Variants in SUCO observed in about 807,000 individuals in gnomAD.
SUCO encodes the protein SUN domain containing ossification factor.
SUCO carries 57 observed loss-of-function variants against 148.1 expected under a neutral mutation model. That is an observed-to-expected ratio of 0.38 (90% CI 0.31 to 0.48). The LOEUF is 0.48. Among genes scored for constraint, SUCO ranks in the 20% least tolerant of loss-of-function variants. The probability of loss-of-function intolerance (pLI) is 0.96; values close to 1 mark genes in which losing one functional copy is unlikely to be tolerated. For synonymous variants in SUCO, 470 were observed against 502.7 expected (o/e 0.93, Z 0.87); for missense variants, 1,331 against 1,468.2 (o/e 0.91, Z 1.53).
intron 1 of SUCO, among the ~76,000 whole-genome samples, chr1:172,539,796 T>TA (rs1652309245): frequency 6.6e-6 from 1 of 152,188 alleles, no homozygotes; most frequent in South Asian, 2.1e-4. Flanking sequence ...GTTTCAGAGT[T>TA]AAAAATGGGA....
intron 1 of SUCO, among the ~76,000 whole-genome samples, chr1:172,543,591 A>G (rs1652648290): frequency 6.6e-6 from 1 of 152,184 alleles, no homozygotes; most frequent in Non-Finnish European, 1.5e-5. Context: ...CAGTTTAGTG[A>G]AACAATTTTC....
At chr1:172,578,257 T>G in intron 13 of SUCO, 41 bp from the exon 14 acceptor site, 1 of 1,360,724 alleles carries the variant, frequency 7.3e-7, no homozygotes, top group Non-Finnish European at 1.1e-6. Context: ...TCTTAACGAG[T>G]GTTTTGTTTT....
intron 15 of SUCO, among the ~76,000 whole-genome samples, chr1:172,580,192 C>CTGCCTTCCT (rs375294521): frequency 6.6e-6 from 1 of 151,988 alleles, no homozygotes; most frequent in Non-Finnish European, 1.5e-5. Context: ...CTTTCTCTTC[C>CTGCCTTCCT]TGCCTTCCTT....
At chr1:172,597,198 T>C (rs1477229922) in intron 19 of SUCO, among the ~76,000 whole-genome samples, 1 of 152,236 alleles carries the variant, frequency 6.6e-6, no homozygotes. Context: ...CAGCTTCCCT[T>C]GGCTAGGAAA....
Position 172,602,198 on chromosome 1 carries a change from T to C in SUCO, c.3153T>C (p.Asn1051=). 1 of 1,612,022 alleles carries C rather than the reference T, an allele frequency of 6.2e-7. No individual in the cohort carries two copies. Among genetic ancestry groups the C allele is most frequent in the Non-Finnish European group, 8.5e-7 (1 of 1,178,962 alleles). The stretch of plus-strand genomic sequence containing the variant: ...ATATTTCAAAACTTCCTAAAAGTAA[T>C]CAGTATCCAAGCCCTAAAAGGTAAT... The part of the protein sequence containing the change: ...GDYISKLPKS[N]QYPSPKRCFS... Residue 1051 remains asparagine, a synonymous_variant, in exon 21 of 24, where the codon AAT becomes AAC. Coordinates refer to ENST00000263688, the MANE Select transcript of SUCO (RefSeq NM_014283.5).
intron 1 of SUCO, among the ~76,000 whole-genome samples, chr1:172,545,522 CAA>C (rs1652788519): frequency 6.6e-6 from 1 of 151,908 alleles, no homozygotes; most frequent in Non-Finnish European, 1.5e-5. Flanking sequence ...TTTGACAAGT[CAA>C]AGAGGAGATG....
intron 21 of SUCO, 39 bp from the exon 22 acceptor site, chr1:172,602,657 A>G (rs747494773): frequency 6.2e-7 from 1 of 1,604,378 alleles, no homozygotes; most frequent in Non-Finnish European, 8.5e-7. Flanking sequence ...TATGTGCTTT[A>G]CTCGTTGTAA....
At chr1:172,541,057 A>G (rs1264319272) in intron 1 of SUCO, among the ~76,000 whole-genome samples, 2 of 152,220 alleles carry the variant, frequency 1.3e-5, no homozygotes, top group Non-Finnish European at 2.9e-5. Flanking sequence ...GGCTTTCCAC[A>G]TCCACAGATT....
At chr1:172,597,270 A>G (rs1571283182) in intron 19 of SUCO, among the ~76,000 whole-genome samples, 1 of 151,812 alleles carries the variant, frequency 6.6e-6, no homozygotes, top group Non-Finnish European at 1.5e-5. Context: ...TTTGGCTCAC[A>G]CTCCATGGGC....
intron 19 of SUCO, among the ~76,000 whole-genome samples, chr1:172,595,775 G>T (rs1393268247): frequency 6.6e-6 from 1 of 152,150 alleles, no homozygotes; most frequent in Non-Finnish European, 1.5e-5. Context: ...TCTTCTCGAG[G>T]AGTATCTTTG....
chr1:172,555,772 T>C (rs1478859058), intron 3 of SUCO, 97 bp from the exon 4 acceptor site: 4 of 983,640 alleles, frequency 4.1e-6, no homozygotes, highest in Admixed American at 3.0e-5. Context: ...GTTTATATTG[T>C]CATTTTTCAG....
intron 11 of SUCO, chr1:172,577,133 A>C (rs1395600450): frequency 1.5e-5 from 5 of 341,278 alleles, no homozygotes; most frequent in Non-Finnish European, 2.1e-5. Context: ...ATATGTGCAT[A>C]TATATCAATA....
chr1:172,556,640 T>TGTAA (rs1653780290), intron 4 of SUCO: 3 of 984,982 alleles, frequency 3.0e-6, no homozygotes, highest in Non-Finnish European at 3.6e-6. Context: ...AACTCAAGAA[T>TGTAA]GTAAGGGCCT....
At chr1:172,569,357 A>G (rs1571226116) in intron 7 of SUCO, 1 of 965,966 alleles carries the variant, frequency 1.0e-6, no homozygotes, top group East Asian at 1.1e-4. Context: ...ATTCTTGTAA[A>G]TTATTAAGTG....
chr1:172,595,462 T>C (rs1174707069), intron 19 of SUCO, among the ~76,000 whole-genome samples: 1 of 152,248 alleles, frequency 6.6e-6, no homozygotes, highest in Non-Finnish European at 1.5e-5. Flanking sequence ...GGAGCTCTTG[T>C]AAGGCAGGCC....
At position 172,611,397 on chromosome 1, in the gene SUCO, A is replaced by G. The variant is rs1053381; in HGVS notation, c.*1138A>G. On this transcript the variant is annotated 3_prime_UTR_variant, in exon 24 of 24. Transcript: ENST00000263688. ...GATTTCTTAGTATGATTGTACAGTA[A>G]TGAATGAAAGTGGAACATGTTTCTT... 10,117 of 152,718 alleles carry G rather than the reference A, an allele frequency of 0.066. 491 individuals are homozygous for G. Among genetic ancestry groups the G allele is most frequent in the Middle Eastern group, 0.12 (34 of 294 alleles). 9.5% of individuals were successfully genotyped at this position (152,718 alleles called of 1,614,324 possible).
chr1:172,591,707 C>G (rs1283642177), intron 19 of SUCO, among the ~76,000 whole-genome samples: 3 of 151,944 alleles, frequency 2.0e-5, no homozygotes, highest in African/African-American at 7.3e-5. Context: ...GGTTCCAAGT[C>G]TTTGCTATTG....
At chr1:172,586,069 T>C in intron 17 of SUCO, 121 bp downstream of exon 17, 1 of 572,552 alleles carries the variant, frequency 1.7e-6, no homozygotes, top group South Asian at 3.7e-5. Context: ...CTCTGAATCA[T>C]AGGATAGACA....
upstream of SUCO, chr1:172,532,847 C>T (rs1388595862): frequency 5.8e-6 from 9 of 1,539,568 alleles, no homozygotes; most frequent in Admixed American, 6.3e-5. Context: ...CTCCTCCCGG[C>T]TTTCTGAACG....
Sources: allele counts gnomAD v4.1 joint callset (sites outside exome capture counted in the v4.1 genomes callset), GRCh38; gene constraint gnomAD v4.1.1; transcripts MANE v1.5; gene names NCBI Gene and HGNC (gene_info 2026-07-23, HGNC 2026-07-21).